WAC: variants seen among roughly 807,000 people sequenced by gnomAD.
The protein encoded by WAC is WW domain-containing adapter protein with coiled-coil.
A neutral mutation model predicts 79.6 loss-of-function variants in WAC; 11 were observed. The ratio of observed to expected loss-of-function variants is 0.14; its 90% CI spans 0.09 to 0.23. WAC has a LOEUF of 0.23. WAC is among the 10% of genes least tolerant of loss of function. The pLI is 1.00. For synonymous variants in WAC, 304 were observed against 276.9 expected (o/e 1.10, Z -0.97); for missense variants, 728 against 773.5 (o/e 0.94, Z 0.70).
chr10:28,602,061 G>A (rs572299943), intron 7 of WAC, among the ~76,000 whole-genome samples: 4 of 152,076 alleles, frequency 2.6e-5, no homozygotes, highest in African/African-American at 7.2e-5. Context: ...ACTTTACCAG[G>A]GTAAAAACAA....
chr10:28,584,016 T>C (rs982295748), intron 4 of WAC, among the ~76,000 whole-genome samples: 2 of 152,250 alleles, frequency 1.3e-5, no homozygotes, highest in Non-Finnish European at 2.9e-5. Context: ...TTATTTTGAA[T>C]TTTAAGTCAT....
chr10:28,603,955 ATGTATGT>A (rs1564413665), intron 7 of WAC, among the ~76,000 whole-genome samples: 4,867 of 12,728 alleles, frequency 0.38, 1,034 homozygotes, highest in African/African-American at 0.49. Flanking sequence ...ATATATATGT[ATGTATGT>A]ATATATATAT....
At chr10:28,533,877 C>A in intron 1 of WAC, 121 bp from the exon 2 acceptor site, 1 of 1,276,832 alleles carries the variant, frequency 7.8e-7, no homozygotes, top group Non-Finnish European at 1.1e-6. Context: ...GTGCGGGGCT[C>A]GGCGCTGGGG....
At chr10:28,618,422 T>TGG (rs1841566590) in intron 13 of WAC, among the ~76,000 whole-genome samples, 1 of 152,198 alleles carries the variant, frequency 6.6e-6, no homozygotes, top group African/African-American at 2.4e-5. Flanking sequence ...CAAATGGAGT[T>TGG]TATAGTACAA....
At chr10:28,569,643 C>G (rs1010240766) in intron 3 of WAC, among the ~76,000 whole-genome samples, 5 of 152,116 alleles carry the variant, frequency 3.3e-5, no homozygotes, top group Admixed American at 6.6e-5. Context: ...CTTCTATAAT[C>G]TAGTTCGGCT....
At chr10:28,572,336 CCAA>C (rs1839018758) in intron 3 of WAC, among the ~76,000 whole-genome samples, 1 of 97,956 alleles carries the variant, frequency 1.0e-5, no homozygotes, top group Non-Finnish European at 2.2e-5. Flanking sequence ...GACTCTGTCT[CCAA>C]AAAAAAAAAA....
chr10:28,554,319 T>A (rs1839119359), intron 3 of WAC, among the ~76,000 whole-genome samples: 1 of 152,246 alleles, frequency 6.6e-6, no homozygotes, highest in Admixed American at 6.5e-5. Context: ...TGACTGTACC[T>A]AAATGTGATG....
At chr10:28,567,382 A>G (rs190215515) in intron 3 of WAC, among the ~76,000 whole-genome samples, 24 of 152,104 alleles carry the variant, frequency 1.6e-4, no homozygotes, top group East Asian at 1.2e-3. Flanking sequence ...ACTCTTTTGG[A>G]CACTATTTTA....
intron 3 of WAC, among the ~76,000 whole-genome samples, chr10:28,553,466 A>AT: frequency 6.6e-6 from 1 of 152,232 alleles, no homozygotes; most frequent in Non-Finnish European, 1.5e-5. Context: ...GGTGGGTTTA[A>AT]TTTTTTTAAT....
At chr10:28,594,319 T>C (rs1246263637) in intron 6 of WAC, among the ~76,000 whole-genome samples, 2 of 152,218 alleles carry the variant, frequency 1.3e-5, no homozygotes, top group Non-Finnish European at 1.5e-5. Context: ...GGGCATGATA[T>C]TATTCCTGCT....
intron 6 of WAC, 48 bp from the exon 7 acceptor site, chr10:28,595,684 TC>T (rs1222709154): frequency 2.6e-6 from 4 of 1,548,550 alleles, no homozygotes; most frequent in South Asian, 2.4e-5. Flanking sequence ...TCTTTTTTCT[TC>T]CCCCTTCTGT....
chr10:28,539,804 C>G (rs1386080814), intron 3 of WAC, among the ~76,000 whole-genome samples: 1 of 152,122 alleles, frequency 6.6e-6, no homozygotes, highest in Non-Finnish European at 1.5e-5. Flanking sequence ...AGTGATCCAC[C>G]TGCCTCGGCC....
chr10:28,546,696 T>C (rs1837363641), intron 3 of WAC, among the ~76,000 whole-genome samples: 1 of 152,318 alleles, frequency 6.6e-6, no homozygotes, highest in African/African-American at 2.4e-5. Context: ...GTTAATTATT[T>C]TGGAAAAACA....
intron 3 of WAC, among the ~76,000 whole-genome samples, chr10:28,539,954 A>C (rs761820829): frequency 6.6e-6 from 1 of 152,196 alleles, no homozygotes; most frequent in Non-Finnish European, 1.5e-5. Context: ...AGTTACTATT[A>C]ACATTTTGAA....
intron 4 of WAC, among the ~76,000 whole-genome samples, chr10:28,587,843 G>A (rs1430275691): frequency 6.6e-6 from 1 of 152,068 alleles, no homozygotes; most frequent in Non-Finnish European, 1.5e-5. Flanking sequence ...GTGGTAGACC[G>A]GTGCTCGGGT....
At chr10:28,540,303 T>TCGGTAACTTGTATGCTGTCAGAG (rs1388929741) in intron 3 of WAC, among the ~76,000 whole-genome samples, 1 of 152,202 alleles carries the variant, frequency 6.6e-6, no homozygotes, top group African/African-American at 2.4e-5. Flanking sequence ...TTCTCTAACT[T>TCGGTAACTTGTATGCTGTCAGAG]CGGTAACTTG....
At chr10:28,581,445 G>A (rs1368258672) in intron 3 of WAC, among the ~76,000 whole-genome samples, 1 of 151,914 alleles carries the variant, frequency 6.6e-6, no homozygotes, top group Admixed American at 6.6e-5. Flanking sequence ...TGGAAGTCTA[G>A]ATTCCCACAT....
In WAC at chr10:28,558,577, A is replaced by T. The variant is rs188674525; in HGVS notation, c.274+22820A>T. Among the ~76,000 whole-genome samples the T allele has an allele frequency of 1.2e-4, 18 of 152,298 alleles. No individual in the cohort carries two copies. In the East Asian group the frequency reaches 3.3e-3, roughly 28 times the overall value. Reference sequence around the variant, plus strand: ...ATTTGTATAAATATAAATTGTAAAAAAAAATTATGTAAGTGAACCACCTGT... The same window carrying T: ...ATTTGTATAAATATAAATTGTAAAATAAAATTATGTAAGTGAACCACCTGT... On this transcript the variant is annotated intron_variant, in intron 3 of 13. Transcript: ENST00000354911.
chr10:28,620,234 T>C lies in WAC; in HGVS notation c.*628T>C, dbSNP rs2132887891. On this transcript the variant is annotated 3_prime_UTR_variant, in exon 14 of 14. Transcript: ENST00000354911. ...TTATCCATTTTTTTAAGGCTCCTCT[T>C]TATCTCCTTTCTTAAGGCACTGTTG... 1 of 152,798 alleles carries C rather than the reference T, an allele frequency of 6.5e-6. No individual in the cohort carries two copies. The highest frequency in any genetic ancestry group is 2.1e-4 in the South Asian group (1 of 4,832). 9.5% of individuals were successfully genotyped at this position (152,798 alleles called of 1,614,324 possible).
Sources: allele counts gnomAD v4.1 joint callset (sites outside exome capture counted in the v4.1 genomes callset), GRCh38; gene constraint gnomAD v4.1.1; transcripts MANE v1.5; gene names NCBI Gene and HGNC (gene_info 2026-07-23, HGNC 2026-07-21).